ZNF800: variants seen among roughly 807,000 people sequenced by gnomAD.
ZNF800 encodes zinc finger protein 800.
A neutral mutation model predicts 59.5 loss-of-function variants in ZNF800; 13 were observed. The ratio of observed to expected loss-of-function variants is 0.22; its 90% CI spans 0.14 to 0.35. ZNF800 has a LOEUF of 0.35. Among genes scored for constraint, ZNF800 ranks in the 10% least tolerant of loss-of-function variants. The probability of loss-of-function intolerance (pLI) is 1.00; values close to 1 mark genes in which losing one functional copy is unlikely to be tolerated. For synonymous variants in ZNF800, 266 were observed against 265.7 expected (o/e 1.00, Z -0.01); for missense variants, 621 against 783.7 (o/e 0.79, Z 2.48).
downstream of ZNF800, among the ~76,000 whole-genome samples, chr7:127,342,930 T>C (rs868715969): frequency 6.6e-6 from 1 of 152,084 alleles, no homozygotes; most frequent in South Asian, 2.1e-4. Context: ...TTATTCTTTA[T>C]TAAAAAGAAA....
At chr7:127,386,007 T>C in intron 3 of ZNF800, 53 bp downstream of exon 3, 1 of 1,174,288 alleles carries the variant, frequency 8.5e-7, no homozygotes, top group South Asian at 1.3e-5. Flanking sequence ...GACTTCTAGG[T>C]AGTTTTTAAC....
chr7:127,379,870 C>CACAG lies in ZNF800; in HGVS notation c.158-2542_158-2541insCTGT, dbSNP rs1434431281. On this transcript the variant is annotated intron_variant, in intron 3 of 5. Coordinates refer to ENST00000265827, the MANE Select transcript of ZNF800 (RefSeq NM_176814.5). ...CCCCCCCACCCCCCCCACACACACA[C>CACAG]AGAGAGAGAGAGAGAGAGAGAGGGA... Among the ~76,000 whole-genome samples the CACAG allele has an allele frequency of 3.2e-4, 27 of 83,884 alleles. 1 individual carries two copies. Among genetic ancestry groups the CACAG allele is most frequent in the African/African-American group, 1.5e-3 (25 of 16,836 alleles). The allele number at this position is 83,884 out of a possible 152,430, so 55.0% of individuals were successfully genotyped here.
downstream of ZNF800, among the ~76,000 whole-genome samples, chr7:127,368,249 CAT>C (rs1409168895): frequency 6.6e-6 from 1 of 152,130 alleles, no homozygotes; most frequent in East Asian, 1.9e-4. Flanking sequence ...TTAAGTGAGA[CAT>C]GTTTTTAATC....
Position 127,373,585 on chromosome 7 carries a change from T to A in ZNF800, c.1751A>T (p.His584Leu). 6.2e-7 allele frequency: 1 copy of A among 1,614,188 alleles called. No homozygotes were observed. The highest frequency in any genetic ancestry group is 1.1e-5 in the South Asian group (1 of 91,080). The change falls in exon 5 of 6, where the codon CAT becomes CTT. Residue 584 changes from histidine (H) to leucine (L), a missense_variant. Around this residue, in one of 7 missense-constraint regions of ZNF800, gnomAD observed 94 missense variants for 108.5 expected, o/e 0.87. Coordinates refer to ENST00000265827, the MANE Select transcript of ZNF800 (RefSeq NM_176814.5). ...AGTGCCATCATGTTTTGAATCACTA[T>A]GTTTTGCTTCATCCCTCGAAGGGCC... ...KRGPSRDEAK[H>L]SDSKHDGTSN...
At chr7:127,384,359 G>A (rs1234068635) in intron 3 of ZNF800, among the ~76,000 whole-genome samples, 2 of 148,728 alleles carry the variant, frequency 1.3e-5, no homozygotes, top group Non-Finnish European at 3.0e-5. Context: ...TCAGCCTCTC[G>A]AGTAGCTGAG....
intron 2 of ZNF800, among the ~76,000 whole-genome samples, chr7:127,386,578 G>C (rs1238820863): frequency 2.0e-5 from 3 of 152,244 alleles, no homozygotes; most frequent in Non-Finnish European, 2.9e-5. Flanking sequence ...TGGATAATCT[G>C]GTATAACTCT....
At chr7:127,364,003 T>C (rs1281951157) in intron 1 of ZNF800, 1 of 152,120 alleles carries the variant, frequency 6.6e-6, no homozygotes, top group Non-Finnish European at 1.5e-5. Flanking sequence ...TGCTGAGCTT[T>C]ATGTAATTGT....
intron 3 of ZNF800, among the ~76,000 whole-genome samples, chr7:127,384,965 G>C (rs1202515412): frequency 6.6e-6 from 1 of 152,126 alleles, no homozygotes; most frequent in Non-Finnish European, 1.5e-5. Flanking sequence ...ATTAAATACA[G>C]ATAAAAGCAA....
chr7:127,363,818 G>C (rs1025770351), intron 1 of ZNF800: 1 of 151,960 alleles, frequency 6.6e-6, no homozygotes, highest in Non-Finnish European at 1.5e-5. Context: ...AAACTGGAAA[G>C]AATAATCTAT....
downstream of ZNF800, among the ~76,000 whole-genome samples, chr7:127,345,656 A>C (rs963479638): frequency 6.6e-6 from 1 of 152,180 alleles, no homozygotes; most frequent in African/African-American, 2.4e-5. Flanking sequence ...GTGGAAGGAT[A>C]AGTAAGGGTC....
chr7:127,387,785 C>A (rs996038337), intron 2 of ZNF800, among the ~76,000 whole-genome samples: 1 of 151,866 alleles, frequency 6.6e-6, no homozygotes, highest in East Asian at 1.9e-4. Context: ...CGTTTGAGCC[C>A]GGGAGGCAGA....
downstream of ZNF800, among the ~76,000 whole-genome samples, chr7:127,345,154 T>G (rs1800034619): frequency 6.6e-6 from 1 of 152,198 alleles, no homozygotes; most frequent in Non-Finnish European, 1.5e-5. Context: ...ATATCAAATA[T>G]GTTCATTCAT....
rs1361880330 is a variant in ZNF800 at position 127,377,204 on chromosome 7, T to C, written c.283A>G (p.Ser95Gly). 6.2e-7 allele frequency: 1 copy of C among 1,611,542 alleles called. No individual in the cohort carries two copies. The highest frequency in any genetic ancestry group is 1.3e-5 in the African/African-American group (1 of 74,802). The change falls in exon 4 of 6, where the codon AGT (serine) becomes GGT (glycine). Residue 95 changes from serine to glycine, a missense_variant. Physicochemically the swap from Ser to Gly is moderately conservative, Grantham distance 56. Coordinates refer to ENST00000265827, the MANE Select transcript of ZNF800 (RefSeq NM_176814.5). This position sits in a 1 kb window ranked among gnomAD's most constrained non-coding sequence, Gnocchi z 4.7. ...ITHKKFYCPP[S>G]LQMDDNLPDV... ...AACTTACTGTCATCCATCTGGAGAC[T>C]TGGTGGGCAGTAGAATTTTTTATGG... is the stretch of plus-strand genomic sequence containing the variant.
intron 3 of ZNF800, among the ~76,000 whole-genome samples, chr7:127,378,024 C>T (rs1800836003): frequency 6.6e-6 from 1 of 152,016 alleles, no homozygotes. Context: ...AAGCCTTTCT[C>T]CCTTAAAACA....
intron 3 of ZNF800, 39 bp downstream of exon 3, chr7:127,386,021 T>C (rs779490050): frequency 9.8e-6 from 14 of 1,424,582 alleles, no homozygotes; most frequent in South Asian, 9.5e-5. Flanking sequence ...TTTTAACTAC[T>C]ATGTGAAGAT....
chr7:127,374,945 T>C lies in ZNF800; in HGVS notation c.391A>G (p.Ile131Val). The C allele has an allele frequency of 1.2e-6, 2 of 1,613,680 alleles. No individual in the cohort carries two copies. The highest frequency in any genetic ancestry group is 1.7e-6 in the Non-Finnish European group (2 of 1,179,818). ...YPSVDKREYIIKLEPIETNQN... is the reference protein window; with the variant it reads ...YPSVDKREYIVKLEPIETNQN... ...TTAGTTTCTATGGGTTCTAGCTTAA[T>C]AATATATTCTCGTTTGTCCACACTT... is the stretch of plus-strand genomic sequence containing the variant. Residue 131 changes from isoleucine (I) to valine (V), a missense_variant, in exon 5 of 6, where the codon ATT (isoleucine) becomes GTT (valine). Ile to Val is a conservative substitution (Grantham distance 29). Around this residue, in one of 7 missense-constraint regions of ZNF800, gnomAD observed 218 missense variants for 230.8 expected, o/e 0.94. Transcript: ENST00000265827.
At chr7:127,380,875 G>C (rs892062647) in intron 3 of ZNF800, among the ~76,000 whole-genome samples, 4 of 152,108 alleles carry the variant, frequency 2.6e-5, no homozygotes, top group Non-Finnish European at 4.4e-5. Flanking sequence ...CAAAGGAAAG[G>C]CTTTTGATAG....
rs1800612150 is a variant in ZNF800, at chr7:127,370,683, T to C, written c.*1131A>G. 6.6e-6 allele frequency: 1 copy of C among 152,458 alleles called. No homozygotes were observed. The highest frequency in any genetic ancestry group is 2.1e-4 in the South Asian group (1 of 4,824). The allele number at this position is 152,458 out of a possible 1,614,324, so 9.4% of individuals were successfully genotyped here. ...TTTTATAATTATAATTTGACACAAATAACTAAAAAATAAAATATTCCCTAA... is the reference window on the plus strand; with the variant it reads ...TTTTATAATTATAATTTGACACAAACAACTAAAAAATAAAATATTCCCTAA... On this transcript the variant is annotated 3_prime_UTR_variant, in exon 6 of 6. Transcript: ENST00000265827.
downstream of ZNF800, among the ~76,000 whole-genome samples, chr7:127,367,811 C>T (rs1156828338): frequency 1.3e-5 from 2 of 152,096 alleles, no homozygotes; most frequent in Admixed American, 1.3e-4. Flanking sequence ...AGGCACCGTA[C>T]AAAATTATCA....
Sources: allele counts gnomAD v4.1 joint callset (sites outside exome capture counted in the v4.1 genomes callset), GRCh38; gene constraint gnomAD v4.1.1; regional missense constraint gnomAD v4.1.1; non-coding constraint Gnocchi (gnomAD v3.1); transcripts MANE v1.5; gene names NCBI Gene and HGNC (gene_info 2026-07-23, HGNC 2026-07-21).